Variants in ZNF85 observed in about 807,000 individuals in gnomAD.
ZNF85 encodes zinc finger protein 85 (HPF4, HTF1).
ZNF85 carries 50 observed loss-of-function variants against 53.9 expected under a neutral mutation model. The observed-to-expected ratio is 0.93, with a 90% confidence interval of 0.74 to 1.17. The LOEUF is 1.17. Ranked by LOEUF, ZNF85 falls within the 50% of genes most tolerant of loss-of-function variation. The probability of loss-of-function intolerance (pLI) is 0.00; values close to 1 mark genes in which losing one functional copy is unlikely to be tolerated. For missense variants in ZNF85, 747 were observed against 688.5 expected (o/e 1.08, Z -0.95); for synonymous variants, 225 against 226.1 (o/e 1.00, Z 0.04).
rs569525227 is a variant in ZNF85, at chr19:20,950,411, C to T, written c.*109C>T. The T allele has an allele frequency of 2.6e-6, 2 of 755,358 alleles. No homozygotes were observed. The highest frequency in any genetic ancestry group is 5.7e-5 in the South Asian group (2 of 35,308). The allele number at this position is 755,358 out of a possible 1,614,324, so 46.8% of individuals were successfully genotyped here. On this transcript the variant is annotated 3_prime_UTR_variant, in exon 4 of 4. Coordinates refer to ENST00000328178, the MANE Select transcript of ZNF85 (RefSeq NM_003429.5). ...GATGTGACAATAATTTTGACAACAC[C>T]TCAGACTTATAAAAGTAATCATACT...
intron 3 of ZNF85, among the ~76,000 whole-genome samples, chr19:20,945,047 A>G (rs990813756): frequency 6.6e-6 from 1 of 152,124 alleles, no homozygotes; most frequent in Non-Finnish European, 1.5e-5. Context: ...GTGAATCTAT[A>G]TTATTTCTGT....
At position 20,942,007 on chromosome 19, in the gene ZNF85, T is replaced by C. The variant is rs572628286; in HGVS notation, c.230-6737T>C. 1.6e-4 allele frequency among the ~76,000 whole-genome samples: 24 copies of C among 152,300 alleles called. No individual in the cohort carries two copies. The South Asian group carries it at 4.8e-3, about 30-fold the overall frequency. On this transcript the variant is annotated intron_variant, in intron 3 of 3. Transcript: ENST00000328178. ...GATATCCAGTTTTCAACATTATGTC[T>C]TGAAGAGGTTATCTTTTTTTCTATT...
intron 3 of ZNF85, chr19:20,944,083 A>G (rs566684896): frequency 3.8e-6 from 1 of 263,060 alleles, no homozygotes; most frequent in Non-Finnish European, 5.9e-6. Flanking sequence ...CATATTCTAT[A>G]GAGGAAATTT....
chr19:20,935,225 A>G (rs112705426), intron 3 of ZNF85, among the ~76,000 whole-genome samples, 178 bp downstream of exon 3: 1,815 of 152,232 alleles, frequency 0.012, 34 homozygotes, highest in African/African-American at 0.034. Context: ...TCTGTCTTAT[A>G]CTTTTAAATT....
chr19:20,925,471 A>AG (rs2144595709), intron 1 of ZNF85, among the ~76,000 whole-genome samples: 1 of 151,856 alleles, frequency 6.6e-6, no homozygotes, highest in East Asian at 1.9e-4. Flanking sequence ...AAAAAAAAAA[A>AG]GATTGACTTC....
At position 20,949,395 on chromosome 19, in the gene ZNF85, C is replaced by T. The variant is rs1243445088; in HGVS notation, c.881C>T (p.Ala294Val). The T allele has an allele frequency of 6.2e-7, 1 of 1,609,394 alleles. No homozygotes were observed. The highest frequency in any genetic ancestry group is 1.7e-5 in the Admixed American group (1 of 59,802). Residue 294 changes from alanine (A) to valine (V), a missense_variant, in exon 4 of 4, where the codon GCT becomes GTT. By Grantham distance (64) the Ala-to-Val change is moderately conservative. Transcript: ENST00000328178. ...KPYKCKECGK[A>V]FNRSSTLTTH... Reference sequence around the variant, plus strand: ...TACAAATGTAAAGAATGTGGTAAAGCTTTTAACCGATCTTCAACCCTTACT... The same window carrying T: ...TACAAATGTAAAGAATGTGGTAAAGTTTTTAACCGATCTTCAACCCTTACT...
chr19:20,941,783 G>A (rs574858931), intron 3 of ZNF85, among the ~76,000 whole-genome samples: 45 of 149,042 alleles, frequency 3.0e-4, no homozygotes, highest in Non-Finnish European at 4.4e-4. Flanking sequence ...TCTTTGATGC[G>A]CAGAAACTTT....
chr19:20,935,051 G>A lies in ZNF85; in HGVS notation c.229+4G>A, dbSNP rs140348457. 5,788 of 1,602,834 alleles carry A rather than the reference G, an allele frequency of 3.6e-3. 88 individuals carry two copies. Among genetic ancestry groups the A allele is most frequent in the South Asian group, 0.027 (2,403 of 89,342 alleles). ...ATCATGGTGGCCAAACCCACAGGTAGGTGAAAGTGAAAATGAATACAGCAG... is the reference window on the plus strand; with the variant it reads ...ATCATGGTGGCCAAACCCACAGGTAAGTGAAAGTGAAAATGAATACAGCAG... On this transcript the variant is annotated splice_donor_region_variant and intron_variant, in intron 3 of 3. Coordinates refer to ENST00000328178, the MANE Select transcript of ZNF85 (RefSeq NM_003429.5).
At position 20,949,747 on chromosome 19, in the gene ZNF85, A is replaced by G. The variant is rs1285946097; in HGVS notation, c.1233A>G (p.Ser411=). Reference sequence around the variant, plus strand: ...GTGGTAAAGCTTTTAAACACTCTTCAACCCTTACTAAACATAAGATAATTC... The same window carrying G: ...GTGGTAAAGCTTTTAAACACTCTTCGACCCTTACTAAACATAAGATAATTC... ...KECGKAFKHS[S]TLTKHKIIHT... The change falls in exon 4 of 4, where the codon TCA becomes TCG. Residue 411 remains serine (S), a synonymous_variant. Coordinates refer to ENST00000328178, the MANE Select transcript of ZNF85 (RefSeq NM_003429.5). 6.2e-7 allele frequency: 1 copy of G among 1,612,288 alleles called. No homozygotes were observed. The highest frequency in any genetic ancestry group is 1.3e-5 in the African/African-American group (1 of 74,806).
intron 1 of ZNF85, among the ~76,000 whole-genome samples, chr19:20,933,435 A>G (rs112869010): frequency 0.012 from 1,822 of 151,732 alleles, 34 homozygotes; most frequent in African/African-American, 0.035. Context: ...TTTACAGGCC[A>G]GAAAAATTAG....
chr19:20,929,977 CT>C (rs1972970393), intron 1 of ZNF85, among the ~76,000 whole-genome samples: 1 of 151,948 alleles, frequency 6.6e-6, no homozygotes, highest in African/African-American at 2.4e-5. Context: ...AAAAATTACC[CT>C]GGTATGTTGG....
chr19:20,948,802 C>G lies in ZNF85; in HGVS notation c.288C>G (p.Phe96Leu). The G allele has an allele frequency of 1.2e-6, 2 of 1,607,644 alleles. No homozygotes were observed. The highest frequency in any genetic ancestry group is 1.7e-6 in the Non-Finnish European group (2 of 1,177,996). ...LWPEQNIKDS[F>L]QKVTLKRYGK... ...CGGAGCAGAATATAAAAGATTCTTT[C>G]CAAAAAGTGACACTGAAAAGATATG... The change falls in exon 4 of 4, where the codon TTC becomes TTG. Residue 96 changes from phenylalanine (F) to leucine (L), a missense_variant. Transcript: ENST00000328178.
In ZNF85 at chr19:20,923,305, T is replaced by C. The variant is rs1191584216; in HGVS notation, c.-96T>C. 23 of 1,593,478 alleles carry C rather than the reference T, an allele frequency of 1.4e-5. No individual in the cohort carries two copies. The highest frequency in any genetic ancestry group is 2.0e-5 in the Non-Finnish European group (23 of 1,163,232). The stretch of plus-strand genomic sequence containing the variant: ...TAGGTCTTGTTTTCCCTGCTTTGTG[T>C]TTTCTGCTCGTGGACGCCCAGCCTC... On this transcript the variant is annotated 5_prime_UTR_variant, in exon 1 of 4. Coordinates refer to ENST00000328178, the MANE Select transcript of ZNF85 (RefSeq NM_003429.5).
intron 3 of ZNF85, among the ~76,000 whole-genome samples, chr19:20,946,911 C>A (rs546572265): frequency 6.6e-6 from 1 of 151,538 alleles, no homozygotes; most frequent in African/African-American, 2.4e-5. Context: ...GAAAGTATGT[C>A]TTTTAATTAA....
In ZNF85 at chr19:20,949,322, T is replaced by G; in HGVS notation, c.808T>G (p.Phe270Val). 1 of 1,608,844 alleles carries G rather than the reference T, an allele frequency of 6.2e-7. No homozygotes were observed. Among genetic ancestry groups the G allele is most frequent in the South Asian group, 1.1e-5 (1 of 90,644 alleles). The change falls in exon 4 of 4, where the codon TTC (phenylalanine) becomes GTC (valine). Residue 270 changes from phenylalanine to valine, a missense_variant. Phe to Val is a conservative substitution (Grantham distance 50). Coordinates refer to ENST00000328178, the MANE Select transcript of ZNF85 (RefSeq NM_003429.5). ...CEECGKTFNR[F>V]STLTTHKIIH... The stretch of plus-strand genomic sequence containing the variant: ...AGAATGTGGCAAAACTTTTAACCGA[T>G]TCTCAACTCTTACTACCCATAAGAT...
chr19:20,947,703 C>A (rs185276201), intron 3 of ZNF85, among the ~76,000 whole-genome samples: 65 of 151,062 alleles, frequency 4.3e-4, no homozygotes, highest in Non-Finnish European at 8.1e-4. Context: ...TTATAAATAT[C>A]TTTGTGTGTA....
Position 20,935,006 on chromosome 19 carries a change from G to A in ZNF85, c.188G>A (p.Trp63Ter), listed in dbSNP as rs1187832671. Reference sequence around the variant, plus strand: ...TGTCTGGAGCAAGGGAAAGAGGCCTGGAGTATGAAGAGACATGAGATCATG... The same window carrying A: ...TGTCTGGAGCAAGGGAAAGAGGCCTAGAGTATGAAGAGACATGAGATCATG... The part of the protein sequence containing the change: ...ITCLEQGKEA[W>*]SMKRHEIMVA... The change falls in exon 3 of 4, where the codon TGG (tryptophan) becomes TAG (stop). Residue 63 changes from tryptophan to a stop codon, truncating the protein, a stop_gained. Coordinates refer to ENST00000328178, the MANE Select transcript of ZNF85 (RefSeq NM_003429.5). LOFTEE classifies it high-confidence loss of function. 16 of 1,611,534 alleles carry A rather than the reference G, an allele frequency of 9.9e-6. No homozygotes were observed. The highest frequency in any genetic ancestry group is 1.2e-5 in the Non-Finnish European group (14 of 1,178,828).
Position 20,950,069 on chromosome 19 carries a change from T to C in ZNF85, c.1555T>C (p.Phe519Leu). The C allele has an allele frequency of 6.2e-7, 1 of 1,613,186 alleles. No individual in the cohort carries two copies. Among genetic ancestry groups the C allele is most frequent in the Non-Finnish European group, 8.5e-7 (1 of 1,179,796 alleles). ...PYKCEECGKAFNQSSKLTKHK... is the reference protein window; with the variant it reads ...PYKCEECGKALNQSSKLTKHK... ...CAAATGTGAAGAATGTGGCAAAGCTTTTAACCAATCCTCAAAACTTACCAA... is the reference window on the plus strand; with the variant it reads ...CAAATGTGAAGAATGTGGCAAAGCTCTTAACCAATCCTCAAAACTTACCAA... Residue 519 changes from phenylalanine to leucine, a missense_variant, in exon 4 of 4, where the codon TTT becomes CTT. By Grantham distance (22) the Phe-to-Leu change is conservative. Transcript: ENST00000328178.
intron 1 of ZNF85, among the ~76,000 whole-genome samples, chr19:20,924,721 G>C (rs1406420737): frequency 1.3e-5 from 2 of 152,082 alleles, no homozygotes; most frequent in East Asian, 3.9e-4. Context: ...CAAAACATTG[G>C]ATGGCACTAT....
Sources: allele counts gnomAD v4.1 joint callset (sites outside exome capture counted in the v4.1 genomes callset), GRCh38; gene constraint gnomAD v4.1.1; transcripts MANE v1.5; gene names NCBI Gene and HGNC (gene_info 2026-07-23, HGNC 2026-07-21).